Variants in FMO3 observed in about 807,000 individuals in gnomAD.
FMO3 encodes flavin-containing monooxygenase 3.
Under a neutral mutation model 39.4 loss-of-function variants are expected in FMO3, and 40 were observed. That is an observed-to-expected ratio of 1.02 (90% CI 0.79 to 1.32). The LOEUF is 1.32. Ranked by LOEUF, FMO3 falls within the 40% of genes most tolerant of loss-of-function variation. The pLI is 0.00. For missense variants in FMO3, 680 were observed against 651.8 expected, an observed-to-expected ratio of 1.04 and a Z score of -0.47; for synonymous variants, 219 against 228.8, an observed-to-expected ratio of 0.96 and a Z score of 0.39.
chr1:171,096,360 AAT>A (rs1249292949), intron 2 of FMO3, among the ~76,000 whole-genome samples: 17 of 89,078 alleles, frequency 1.9e-4, no homozygotes, highest in African/African-American at 5.7e-4. Context: ...AATATATAAA[AAT>A]ATATATATTA....
chr1:171,114,382 C>G lies in FMO3; in HGVS notation c.1183+20C>G. 1 of 1,553,890 alleles carries G rather than the reference C, an allele frequency of 6.4e-7. No homozygotes were observed. Among genetic ancestry groups the G allele is most frequent in the Non-Finnish European group, 8.9e-7 (1 of 1,127,316 alleles). On this transcript the variant is annotated intron_variant, in intron 7 of 8. Coordinates refer to ENST00000367755, the MANE Select transcript of FMO3 (RefSeq NM_001002294.3). ...TAAAGGGTAAGTCAATAAAGAGGCTCATGGATTGCGAAGATGAATGCCAGT... is the reference window on the plus strand; with the variant it reads ...TAAAGGGTAAGTCAATAAAGAGGCTGATGGATTGCGAAGATGAATGCCAGT...
rs1002490871 is a variant in FMO3 at position 171,107,554 on chromosome 1, T to C, written c.322-121T>C. On this transcript the variant is annotated intron_variant, in intron 3 of 8. Coordinates refer to ENST00000367755, the MANE Select transcript of FMO3 (RefSeq NM_001002294.3). ...GATTTATTCTGAGGGAATTTTAAATTTGTAATATGTATCTTAATCATTAAA... is the reference window on the plus strand; with the variant it reads ...GATTTATTCTGAGGGAATTTTAAATCTGTAATATGTATCTTAATCATTAAA... 5.4e-6 allele frequency: 4 copies of C among 743,634 alleles called. No individual in the cohort carries two copies. The African/African-American group carries it at 7.1e-5, about 13-fold the overall frequency. The allele number at this position is 743,634 out of a possible 1,614,324, so 46.1% of individuals were successfully genotyped here.
intron 2 of FMO3, among the ~76,000 whole-genome samples, chr1:171,096,578 TTATA>T (rs1333282754): frequency 5.9e-5 from 4 of 67,640 alleles, no homozygotes; most frequent in African/African-American, 1.7e-4. Flanking sequence ...ATACTATACT[TTATA>T]TATTAAATAC....
chr1:171,110,987 C>A lies in FMO3; in HGVS notation c.817C>A (p.Pro273Thr). ...CAAGCATGAAAACTATGGCTTGATGCCTTTAAATGGGTAATGCAGAGCTAA... is the reference window on the plus strand; with the variant it reads ...CAAGCATGAAAACTATGGCTTGATGACTTTAAATGGGTAATGCAGAGCTAA... ...RFKHENYGLM[P>T]LNGVLRKEPV... The change falls in exon 6 of 9, where the codon CCT becomes ACT. Residue 273 changes from proline to threonine, a missense_variant. Coordinates refer to ENST00000367755, the MANE Select transcript of FMO3 (RefSeq NM_001002294.3). 6.2e-7 allele frequency: 1 copy of A among 1,613,176 alleles called. No homozygotes were observed. The highest frequency in any genetic ancestry group is 8.5e-7 in the Non-Finnish European group (1 of 1,179,396).
chr1:171,103,721 G>T (rs28363536), intron 2 of FMO3, 64 bp from the exon 3 acceptor site: 239,713 of 1,374,014 alleles, frequency 0.17, 23,247 homozygotes, highest in Non-Finnish European at 0.2. Flanking sequence ...CTTGGAACCA[G>T]CCCTGACCAT....
intron 2 of FMO3, among the ~76,000 whole-genome samples, chr1:171,095,243 G>A (rs971164859): frequency 6.6e-6 from 1 of 152,122 alleles, no homozygotes; most frequent in Admixed American, 6.6e-5. Context: ...AGTTTCAGGT[G>A]CTGACTTTGG....
intron 2 of FMO3, among the ~76,000 whole-genome samples, chr1:171,095,801 A>G (rs1055264836): frequency 3.1e-5 from 4 of 128,430 alleles, no homozygotes; most frequent in South Asian, 2.2e-4. Context: ...TAAAAAATAT[A>G]AATATATATT....
Position 171,102,723 on chromosome 1 carries a change from C to G in FMO3, c.133-1062C>G, listed in dbSNP as rs61393221. On this transcript the variant is annotated intron_variant, in intron 2 of 8. Transcript: ENST00000367755. The stretch of plus-strand genomic sequence containing the variant: ...TTTATTTCAGTGTGTGGCTAAAGAA[C>G]CACAACACAATATCCTAAACTTCTC... 5.1e-3 allele frequency among the ~76,000 whole-genome samples: 781 copies of G among 152,256 alleles called. 8 individuals are homozygous for G. The highest frequency in any genetic ancestry group is 0.018 in the African/African-American group (742 of 41,544).
In FMO3 at chr1:171,107,667, T is replaced by C. The variant is rs1320359252; in HGVS notation, c.322-8T>C. The C allele has an allele frequency of 3.1e-6, 5 of 1,611,596 alleles. No homozygotes were observed. The highest frequency in any genetic ancestry group is 1.7e-5 in the Admixed American group (1 of 59,950). ...GAAAAGAGGGATTTCTTTCTGTATT[T>C]CTCTTAGACATTTGTATCCAGTGTA... On this transcript the variant is annotated splice_region_variant and splice_polypyrimidine_tract_variant and intron_variant, in intron 3 of 8. Transcript: ENST00000367755.
intron 2 of FMO3, among the ~76,000 whole-genome samples, chr1:171,095,669 G>A (rs1228132299): frequency 6.9e-6 from 1 of 145,854 alleles, no homozygotes; most frequent in Non-Finnish European, 1.5e-5. Flanking sequence ...TAGATATTTT[G>A]CAGACTGCAA....
At chr1:171,092,854 G>A in intron 2 of FMO3, 64 bp downstream of exon 2, 13 of 1,545,358 alleles carry the variant, frequency 8.4e-6, no homozygotes, top group Non-Finnish European at 1.1e-5. Context: ...AGCACACTGT[G>A]TGCACACAGG....
At chr1:171,094,633 G>A (rs1192356438) in intron 2 of FMO3, among the ~76,000 whole-genome samples, 1 of 152,032 alleles carries the variant, frequency 6.6e-6, no homozygotes, top group Admixed American at 6.6e-5. Context: ...TGAGAGATAG[G>A]GGTCCACTTT....
rs867616462 is a variant in FMO3 at position 171,095,815 on chromosome 1, A to G, written c.132+3025A>G. On this transcript the variant is annotated intron_variant, in intron 2 of 8. Transcript: ENST00000367755. ...ATAAAAAATATAAATATATATTTAT[A>G]TAACTATATAGATTAAATATATAAA... Among the ~76,000 whole-genome samples, 1,140 of 120,858 alleles carry G rather than the reference A, an allele frequency of 9.4e-3. 18 individuals are homozygous for G. Among genetic ancestry groups the G allele is most frequent in the African/African-American group, 0.034 (1,110 of 32,266 alleles). 79.3% of individuals were successfully genotyped at this position (120,858 alleles called of 152,430 possible).
chr1:171,103,160 A>G (rs1655482698), intron 2 of FMO3, among the ~76,000 whole-genome samples: 1 of 152,194 alleles, frequency 6.6e-6, no homozygotes, highest in Non-Finnish European at 1.5e-5. Flanking sequence ...CTCTGTCACC[A>G]TATTTAATGG....
chr1:171,110,722 G>T, intron 5 of FMO3, 76 bp from the exon 6 acceptor site: 1 of 1,329,100 alleles, frequency 7.5e-7, no homozygotes, highest in Admixed American at 1.7e-5. Context: ...CATTCCTCAA[G>T]AGGGATCTGG....
chr1:171,105,630 TA>T (rs557166351), intron 3 of FMO3, among the ~76,000 whole-genome samples: 146 of 146,624 alleles, frequency 1.0e-3, no homozygotes, highest in African/African-American at 1.8e-3. Flanking sequence ...TAAAGTATAA[TA>T]AAAAAAAAAG....
Position 171,117,328 on chromosome 1 carries a change from A to G in FMO3, c.1485A>G (p.Lys495=). The change falls in exon 9 of 9, where the codon AAA becomes AAG. Residue 495 remains lysine, a synonymous_variant. Coordinates refer to ENST00000367755, the MANE Select transcript of FMO3 (RefSeq NM_001002294.3). ...AILTQWDRSL[K]PMQTRVVGRL... ...TGACCCAGTGGGACCGGTCGTTGAA[A>G]CCCATGCAGACACGAGTGGTCGGGA... The G allele has an allele frequency of 6.2e-7, 1 of 1,613,690 alleles. No homozygotes were observed. The highest frequency in any genetic ancestry group is 8.5e-7 in the Non-Finnish European group (1 of 1,179,746).
At chr1:171,096,378 A>G (rs1466151450) in intron 2 of FMO3, among the ~76,000 whole-genome samples, 1 of 49,406 alleles carries the variant, frequency 2.0e-5, no homozygotes, top group Non-Finnish European at 3.0e-5. Flanking sequence ...TATTATAATT[A>G]TATATATGTT....
In FMO3 at chr1:171,098,422, G is replaced by T. The variant is rs184963009; in HGVS notation, c.133-5363G>T. Reference sequence around the variant, plus strand: ...CAATATTGATTCTTCCTATCCATGAGCATGGAATGTTCTTCCATTTGTTTG... The same window carrying T: ...CAATATTGATTCTTCCTATCCATGATCATGGAATGTTCTTCCATTTGTTTG... On this transcript the variant is annotated intron_variant, in intron 2 of 8. Transcript: ENST00000367755. 3.3e-3 allele frequency among the ~76,000 whole-genome samples: 510 copies of T among 152,264 alleles called. 2 individuals carry two copies. The highest frequency in any genetic ancestry group is 0.012 in the African/African-American group (484 of 41,546).
Sources: gnomAD v4.1 joint callset for allele counts (sites outside exome capture counted in the v4.1 genomes callset) on GRCh38, gnomAD v4.1.1 for gene constraint, MANE v1.5 for transcripts, NCBI Gene and HGNC (gene_info 2026-07-23, HGNC 2026-07-21) for gene names.